The following EFCAB8 variants were observed in gnomAD, a reference collection of about 807,000 sequenced individuals.
EFCAB8 encodes the protein EF-hand calcium-binding domain-containing protein 8.
EFCAB8 carries 100 observed loss-of-function variants against 116.3 expected under a neutral mutation model. The observed-to-expected ratio is 0.86, with a 90% confidence interval of 0.73 to 1.02. The LOEUF (loss-of-function observed/expected upper bound fraction) is 1.02, where lower values mean the gene tolerates loss of function less well. Among genes scored for constraint, EFCAB8 ranks in the 50% least tolerant of loss-of-function variants. EFCAB8 has a pLI of 0.00. For synonymous variants in EFCAB8, 558 were observed against 567.9 expected (o/e 0.98, Z 0.25); for missense variants, 1,320 against 1,416.9 (o/e 0.93, Z 1.10).
At position 32,939,059 on chromosome 20, in the gene EFCAB8, TTCTTTC is replaced by T. The variant is rs1281600554; in HGVS notation, c.2791-4573_2791-4568del. ...TTCCTTCCTTCGTTTCTCTCTTTCT[TTCTTTC>T]TCTCTCCCCAACTTCTTTCTTTTTT... On this transcript the variant is annotated intron_variant, in intron 22 of 26. Transcript: ENST00000400522. Among the ~76,000 whole-genome samples, 5 of 139,012 alleles carry T rather than the reference TTCTTTC, an allele frequency of 3.6e-5. 1 individual carries two copies. The highest frequency in any genetic ancestry group is 7.9e-5 in the Non-Finnish European group (5 of 63,364). The allele number at this position is 139,012 out of a possible 152,430, so 91.2% of individuals were successfully genotyped here.
At chr20:32,914,961 C>T (rs956546398) in intron 17 of EFCAB8, among the ~76,000 whole-genome samples, 8 of 151,902 alleles carry the variant, frequency 5.3e-5, no homozygotes, top group African/African-American at 7.3e-5. Context: ...TGTAGTCATG[C>T]GATTATCGCT....
intron 14 of EFCAB8, among the ~76,000 whole-genome samples, 184 bp downstream of exon 14, chr20:32,908,596 C>T (rs1331741604): frequency 6.6e-6 from 1 of 152,172 alleles, no homozygotes; most frequent in African/African-American, 2.4e-5. Flanking sequence ...TGTTTCTAGG[C>T]CCCCAGCCTG....
At chr20:32,953,401 A>T (rs574447901) in intron 23 of EFCAB8, among the ~76,000 whole-genome samples, 2 of 152,258 alleles carry the variant, frequency 1.3e-5, no homozygotes, top group Non-Finnish European at 2.9e-5. Flanking sequence ...AGGAACCTCC[A>T]TACTGTTTTC....
Position 32,918,535 on chromosome 20 carries a change from C to T in EFCAB8, c.2235C>T (p.Cys745=). The change falls in exon 19 of 27, where the codon TGC becomes TGT. Residue 745 remains cysteine, a synonymous_variant. Coordinates refer to ENST00000400522, the MANE Select transcript of EFCAB8 (RefSeq NM_001143967.2). ...SLVSAPPVMR[C]PRDKEPDRPV... is the part of the protein sequence containing the mutation. Reference sequence around the variant, plus strand: ...TGTCGGCTCCCCCAGTGATGCGGTGCCCGAGAGACAAGGAGCCAGACAGGC... The same window carrying T: ...TGTCGGCTCCCCCAGTGATGCGGTGTCCGAGAGACAAGGAGCCAGACAGGC... 1.3e-6 allele frequency: 2 copies of T among 1,551,668 alleles called. No individual in the cohort carries two copies. Among genetic ancestry groups the T allele is most frequent in the Non-Finnish European group, 1.7e-6 (2 of 1,146,998 alleles).
intron 11 of EFCAB8, among the ~76,000 whole-genome samples, 173 bp from the exon 12 acceptor site, chr20:32,906,389 A>G (rs922824114): frequency 3.3e-5 from 5 of 151,810 alleles, no homozygotes; most frequent in African/African-American, 1.2e-4. Context: ...CTGCAGGGTG[A>G]ACCCTGGGTG....
intron 7 of EFCAB8, among the ~76,000 whole-genome samples, chr20:32,891,919 C>T (rs1985937546): frequency 6.6e-6 from 1 of 152,010 alleles, no homozygotes; most frequent in Admixed American, 6.6e-5. Flanking sequence ...GTCTCAAACT[C>T]CTAGGCTCAA....
intron 22 of EFCAB8, among the ~76,000 whole-genome samples, chr20:32,934,098 C>T (rs1988015040): frequency 6.6e-6 from 1 of 151,250 alleles, no homozygotes; most frequent in East Asian, 1.9e-4. Context: ...CCTGCCTTGA[C>T]CTCCCAAAGT....
chr20:32,936,685 C>T (rs1278246930), intron 22 of EFCAB8, among the ~76,000 whole-genome samples: 1 of 152,098 alleles, frequency 6.6e-6, no homozygotes, highest in East Asian at 1.9e-4. Flanking sequence ...TATTTTTATG[C>T]CAGCACCATA....
intron 23 of EFCAB8, among the ~76,000 whole-genome samples, chr20:32,953,183 A>G (rs1168569513): frequency 6.6e-6 from 1 of 152,148 alleles, no homozygotes; most frequent in Non-Finnish European, 1.5e-5. Flanking sequence ...ATAATATTTC[A>G]TTGTATATAT....
intron 22 of EFCAB8, among the ~76,000 whole-genome samples, chr20:32,934,651 G>A (rs1302685761): frequency 6.6e-6 from 1 of 152,156 alleles, no homozygotes; most frequent in Non-Finnish European, 1.5e-5. Context: ...GGAGGTAATT[G>A]AATCGTGGGG....
At chr20:32,879,197 G>A (rs1237067112) in intron 5 of EFCAB8, among the ~76,000 whole-genome samples, 1 of 152,200 alleles carries the variant, frequency 6.6e-6, no homozygotes, top group Non-Finnish European at 1.5e-5. Flanking sequence ...GGGCACAGGT[G>A]GCACAGGTGG....
At chr20:32,877,654 G>T (rs1306397340) in intron 4 of EFCAB8, among the ~76,000 whole-genome samples, 4 of 152,182 alleles carry the variant, frequency 2.6e-5, no homozygotes, top group Non-Finnish European at 5.9e-5. Context: ...TTACAACCCC[G>T]TTTCTTGTTA....
chr20:32,912,970 G>C, intron 17 of EFCAB8, 106 bp downstream of exon 17: 1 of 654,676 alleles, frequency 1.5e-6, no homozygotes, highest in East Asian at 2.7e-5. Context: ...CACCATGCAG[G>C]AAGTTAGTGG....
chr20:32,898,010 G>C (rs968471865), intron 10 of EFCAB8, among the ~76,000 whole-genome samples: 1 of 152,180 alleles, frequency 6.6e-6, no homozygotes, highest in Non-Finnish European at 1.5e-5. Context: ...TCGACTGCGC[G>C]TCATCTTTTG....
At chr20:32,923,131 C>T (rs1987528489) in intron 20 of EFCAB8, among the ~76,000 whole-genome samples, 1 of 152,174 alleles carries the variant, frequency 6.6e-6, no homozygotes, top group Non-Finnish European at 1.5e-5. Flanking sequence ...ATGCAGTGAG[C>T]TGTGATTGTG....
chr20:32,920,381 AG>A, intron 20 of EFCAB8, among the ~76,000 whole-genome samples, 166 bp downstream of exon 20: 1 of 152,242 alleles, frequency 6.6e-6, no homozygotes, highest in Non-Finnish European at 1.5e-5. Context: ...TACTGGAGTC[AG>A]GGCTGCGGTG....
At chr20:32,890,567 A>G (rs1231951964) in intron 7 of EFCAB8, among the ~76,000 whole-genome samples, 2 of 152,158 alleles carry the variant, frequency 1.3e-5, no homozygotes, top group African/African-American at 4.8e-5. Flanking sequence ...CTCGATGACT[A>G]TTGAATGGAT....
At chr20:32,929,325 GA>G (rs1229772701) in intron 20 of EFCAB8, among the ~76,000 whole-genome samples, 1 of 152,086 alleles carries the variant, frequency 6.6e-6, no homozygotes, top group Non-Finnish European at 1.5e-5. Context: ...GGGCACAAGG[GA>G]CTTCTGGTTT....
Position 32,885,521 on chromosome 20 carries a change from G to T in EFCAB8, c.448G>T (p.Val150Leu). The change falls in exon 6 of 27, where the codon GTG (valine) becomes TTG (leucine). Residue 150 changes from valine (V) to leucine (L), a missense_variant. Coordinates refer to ENST00000400522, the MANE Select transcript of EFCAB8 (RefSeq NM_001143967.2). ...CTCCCACAGGAACCATGGCTGTGAGGTGGTGAAGGTGGTGTTTTTAATCCA... is the reference window on the plus strand; with the variant it reads ...CTCCCACAGGAACCATGGCTGTGAGTTGGTGAAGGTGGTGTTTTTAATCCA... ...TVVPLNHGCE[V>L]VKVVFLIHRF... is the part of the protein sequence containing the mutation. 6 of 1,551,740 alleles carry T rather than the reference G, an allele frequency of 3.9e-6. No homozygotes were observed. Among genetic ancestry groups the T allele is most frequent in the Non-Finnish European group, 3.5e-6 (4 of 1,146,996 alleles).
Sources: allele counts gnomAD v4.1 joint callset (sites outside exome capture counted in the v4.1 genomes callset), GRCh38; gene constraint gnomAD v4.1.1; transcripts MANE v1.5; gene names NCBI Gene and HGNC (gene_info 2026-07-23, HGNC 2026-07-21).